The following SLC24A3 variants were observed in gnomAD, a reference collection of about 807,000 sequenced individuals.
The protein encoded by SLC24A3 is sodium/potassium/calcium exchanger 3.
A neutral mutation model predicts 75.8 loss-of-function variants in SLC24A3; 28 were observed. The ratio of observed to expected loss-of-function variants is 0.37; its 90% CI spans 0.27 to 0.51. The LOEUF is 0.51. SLC24A3 is among the 20% of genes least tolerant of loss of function. SLC24A3 has a pLI of 0.94. For synonymous variants in SLC24A3, 372 were observed against 334.1 expected (o/e 1.11, Z -1.24); for missense variants, 663 against 847.8 (o/e 0.78, Z 2.71).
chr20:19,495,288 G>C (rs1375214096), intron 2 of SLC24A3, among the ~76,000 whole-genome samples: 3 of 152,202 alleles, frequency 2.0e-5, no homozygotes, highest in African/African-American at 7.2e-5. Context: ...TGGTTGTCCT[G>C]CCTGTACTTT....
chr20:19,310,806 C>T (rs1481273863), intron 2 of SLC24A3, among the ~76,000 whole-genome samples: 3 of 152,204 alleles, frequency 2.0e-5, no homozygotes, highest in African/African-American at 7.2e-5. Context: ...TCTTGCACTA[C>T]CTGTTTCTTT....
At chr20:19,254,041 G>T (rs947108738) in intron 1 of SLC24A3, among the ~76,000 whole-genome samples, 7 of 152,178 alleles carry the variant, frequency 4.6e-5, no homozygotes, top group African/African-American at 1.7e-4. Context: ...GGCCCATGTT[G>T]CCAGGTCTTC....
chr20:19,464,841 A>G (rs1987738050), intron 2 of SLC24A3, among the ~76,000 whole-genome samples: 1 of 152,202 alleles, frequency 6.6e-6, no homozygotes. Flanking sequence ...TCATGGGTAT[A>G]CTTTGGCATT....
intron 3 of SLC24A3, among the ~76,000 whole-genome samples, chr20:19,570,696 T>A (rs2031039101): frequency 6.6e-6 from 1 of 152,196 alleles, no homozygotes; most frequent in African/African-American, 2.4e-5. Flanking sequence ...TAGTTTGAGG[T>A]CTGTGAAACA....
At chr20:19,556,157 C>T (rs919981562) in intron 3 of SLC24A3, among the ~76,000 whole-genome samples, 2 of 152,070 alleles carry the variant, frequency 1.3e-5, no homozygotes, top group Non-Finnish European at 2.9e-5. Context: ...CTCCCAAAGG[C>T]CCCACCTCCC....
rs765579362 is a variant in SLC24A3 at position 19,717,602 on chromosome 20, G to C, written c.1785+9G>C. On this transcript the variant is annotated intron_variant, in intron 16 of 16. Transcript: ENST00000328041. ...CCTCTGTTTTTGTCACGGTAGGTTGGCAGCTCTCTCCTCGTACTTGTGTTT... is the reference window on the plus strand; with the variant it reads ...CCTCTGTTTTTGTCACGGTAGGTTGCCAGCTCTCTCCTCGTACTTGTGTTT... The C allele has an allele frequency of 9.9e-6, 16 of 1,613,998 alleles. No individual in the cohort carries two copies. Among genetic ancestry groups the C allele is most frequent in the Non-Finnish European group, 1.4e-5 (16 of 1,179,918 alleles).
intron 2 of SLC24A3, among the ~76,000 whole-genome samples, chr20:19,471,684 G>A (rs946571995): frequency 1.3e-5 from 2 of 152,298 alleles, no homozygotes; most frequent in South Asian, 2.1e-4. Flanking sequence ...TCACTCTGTC[G>A]GGGAAGAGTG....
intron 2 of SLC24A3, among the ~76,000 whole-genome samples, chr20:19,413,892 C>G (rs916078307): frequency 6.6e-6 from 1 of 152,086 alleles, no homozygotes; most frequent in Non-Finnish European, 1.5e-5. Flanking sequence ...AAGCATCAAG[C>G]TGGGAAATGT....
chr20:19,357,353 T>G (rs1400707302), intron 2 of SLC24A3, among the ~76,000 whole-genome samples: 1 of 152,174 alleles, frequency 6.6e-6, no homozygotes, highest in Non-Finnish European at 1.5e-5. Flanking sequence ...GGACACAGTT[T>G]GGGGTAATTT....
intron 2 of SLC24A3, among the ~76,000 whole-genome samples, chr20:19,374,511 CT>C (rs992496017): frequency 6.6e-6 from 1 of 152,202 alleles, no homozygotes; most frequent in African/African-American, 2.4e-5. Flanking sequence ...CCTTTTCTAT[CT>C]CTCCTGGAGT....
intron 2 of SLC24A3, among the ~76,000 whole-genome samples, chr20:19,336,479 G>A (rs972750712): frequency 2.6e-5 from 4 of 151,878 alleles, no homozygotes; most frequent in African/African-American, 7.3e-5. Flanking sequence ...TCCGCCTCCC[G>A]GGTTCAAGCG....
chr20:19,296,268 C>CTTTTTTTTTTTT (rs35229035), intron 2 of SLC24A3, among the ~76,000 whole-genome samples: 4 of 72,302 alleles, frequency 5.5e-5, no homozygotes, highest in African/African-American at 1.1e-4. Flanking sequence ...AGCTAGTGGT[C>CTTTTTTTTTTTT]TTTTTTTTTT....
At chr20:19,484,934 G>A (rs946625995) in intron 2 of SLC24A3, among the ~76,000 whole-genome samples, 2 of 152,006 alleles carry the variant, frequency 1.3e-5, no homozygotes, top group Non-Finnish European at 2.9e-5. Flanking sequence ...CAGTCTCCTC[G>A]GTTATAAGCA....
intron 1 of SLC24A3, among the ~76,000 whole-genome samples, chr20:19,262,500 C>T (rs1210926341): frequency 1.3e-5 from 2 of 151,950 alleles, no homozygotes; most frequent in African/African-American, 4.8e-5. Flanking sequence ...CACCAGCAAA[C>T]CTCCCCTACC....
intron 2 of SLC24A3, among the ~76,000 whole-genome samples, chr20:19,287,348 C>T (rs373115402): frequency 1.6e-4 from 25 of 152,316 alleles, no homozygotes; most frequent in Admixed American, 2.6e-4. Context: ...ATTCCATTGG[C>T]GGAGCTCAGT....
intron 2 of SLC24A3, among the ~76,000 whole-genome samples, chr20:19,326,260 G>A (rs1223090362): frequency 2.6e-5 from 4 of 152,090 alleles, no homozygotes; most frequent in Admixed American, 6.5e-5. Context: ...AGATGGTGAA[G>A]CACCCAGAGG....
chr20:19,706,921 G>A (rs572600908), intron 15 of SLC24A3, among the ~76,000 whole-genome samples: 28 of 152,222 alleles, frequency 1.8e-4, no homozygotes, highest in East Asian at 1.3e-3. Context: ...ATCCATTAGC[G>A]TATATATCTC....
chr20:19,363,378 C>A (rs1241811494), intron 2 of SLC24A3, among the ~76,000 whole-genome samples: 1 of 152,240 alleles, frequency 6.6e-6, no homozygotes, highest in Non-Finnish European at 1.5e-5. Flanking sequence ...CATTGGACAG[C>A]TTTATGCAGA....
At chr20:19,315,559 G>T (rs1281337229) in intron 2 of SLC24A3, among the ~76,000 whole-genome samples, 1 of 152,104 alleles carries the variant, frequency 6.6e-6, no homozygotes, top group Non-Finnish European at 1.5e-5. Context: ...CTGGGCTATG[G>T]ATTCTTTCTA....
Sources: gnomAD v4.1 joint callset for allele counts (sites outside exome capture counted in the v4.1 genomes callset) on GRCh38, gnomAD v4.1.1 for gene constraint, MANE v1.5 for transcripts, NCBI Gene and HGNC (gene_info 2026-07-23, HGNC 2026-07-21) for gene names.